Variants in AGBL4 observed in about 807,000 individuals in gnomAD.
The protein encoded by AGBL4 is AGBL carboxypeptidase 4.
Under a neutral mutation model 66.4 loss-of-function variants are expected in AGBL4, and 58 were observed. That is an observed-to-expected ratio of 0.87 (90% confidence interval 0.71 to 1.09). The LOEUF is 1.09. AGBL4 is among the 50% of genes least tolerant of loss of function. AGBL4 has a pLI of 0.00. For synonymous variants in AGBL4, 234 were observed against 222.9 expected (o/e 1.05, Z -0.44); for missense variants, 579 against 631.0 (o/e 0.92, Z 0.88).
At chr1:49,635,002 T>C (rs911644571) in intron 3 of AGBL4, among the ~76,000 whole-genome samples, 3 of 152,206 alleles carry the variant, frequency 2.0e-5, no homozygotes, top group Non-Finnish European at 2.9e-5. Flanking sequence ...GCCAATCTTT[T>C]TTCTTCCTTT....
At chr1:49,459,183 A>T (rs1325752751) in intron 3 of AGBL4, among the ~76,000 whole-genome samples, 2 of 151,718 alleles carry the variant, frequency 1.3e-5, no homozygotes, top group African/African-American at 4.8e-5. Flanking sequence ...GATTGGTACC[A>T]ATTCTTATTT....
chr1:49,397,252 C>T (rs1341801240), intron 3 of AGBL4, among the ~76,000 whole-genome samples: 2 of 150,678 alleles, frequency 1.3e-5, no homozygotes, highest in Non-Finnish European at 3.0e-5. Flanking sequence ...CCCCACTCCA[C>T]CAAAAAAAAA....
intron 6 of AGBL4, among the ~76,000 whole-genome samples, chr1:48,828,045 A>AG (rs1570766146): frequency 1.0e-5 from 1 of 95,754 alleles, no homozygotes; most frequent in Non-Finnish European, 2.4e-5. Flanking sequence ...CACACACACA[A>AG]ATTAGCCGGG....
At chr1:49,496,197 T>A (rs1311108271) in intron 3 of AGBL4, among the ~76,000 whole-genome samples, 1 of 152,032 alleles carries the variant, frequency 6.6e-6, no homozygotes, top group African/African-American at 2.4e-5. Flanking sequence ...TCCTAAGAGA[T>A]TACTAGCTCT....
intron 3 of AGBL4, among the ~76,000 whole-genome samples, chr1:49,630,051 C>T (rs940996158): frequency 6.6e-6 from 1 of 152,180 alleles, no homozygotes; most frequent in South Asian, 2.1e-4. Flanking sequence ...ACCTTGCCTA[C>T]AATTAAAATA....
intron 1 of AGBL4, among the ~76,000 whole-genome samples, chr1:49,983,498 C>G (rs1572009162): frequency 6.6e-6 from 1 of 152,218 alleles, no homozygotes; most frequent in Non-Finnish European, 1.5e-5. Context: ...GGCATGGGAT[C>G]CAGGCCAGTA....
intron 4 of AGBL4, among the ~76,000 whole-genome samples, chr1:49,239,528 C>T: frequency 6.6e-6 from 1 of 151,860 alleles, no homozygotes; most frequent in South Asian, 2.1e-4. Flanking sequence ...GTGTGATTAA[C>T]ACTTAGAGAA....
rs72901140 is a variant in AGBL4, at chr1:48,653,600, G to A, written c.725-149C>T. ...CTGTGGGTGTGTGGTTATAGACTAC[G>A]CGTTATCTGTATAAACTGTATTTAC... On this transcript the variant is annotated intron_variant, in intron 7 of 13. Transcript: ENST00000371839. 6,105 of 614,692 alleles carry A rather than the reference G, an allele frequency of 9.9e-3. 54 individuals carry two copies. The highest frequency in any genetic ancestry group is 0.022 in the African/African-American group (1,188 of 53,998). The allele number at this position is 614,692 out of a possible 1,614,324, so 38.1% of individuals were successfully genotyped here. A position where few individuals can be genotyped will look rare whatever the true frequency, so the allele number is the denominator to read the frequency against.
chr1:49,948,303 T>C (rs1470597429), intron 1 of AGBL4, among the ~76,000 whole-genome samples: 3 of 106,850 alleles, frequency 2.8e-5, no homozygotes, highest in Non-Finnish European at 5.1e-5. Flanking sequence ...TAAAAATATA[T>C]ATAAATATAT....
At chr1:49,397,172 G>C (rs975381253) in intron 3 of AGBL4, among the ~76,000 whole-genome samples, 5 of 151,990 alleles carry the variant, frequency 3.3e-5, no homozygotes, top group Admixed American at 2.6e-4. Context: ...CTGGTCCATG[G>C]CCTGGGAGTT....
At chr1:49,411,960 G>C (rs1463605168) in intron 3 of AGBL4, among the ~76,000 whole-genome samples, 1 of 151,988 alleles carries the variant, frequency 6.6e-6, no homozygotes, top group African/African-American at 2.4e-5. Context: ...TTGTTACAAT[G>C]GTAAATTATA....
At chr1:48,789,575 C>T (rs1645496384) in intron 6 of AGBL4, among the ~76,000 whole-genome samples, 1 of 152,136 alleles carries the variant, frequency 6.6e-6, no homozygotes, top group Admixed American at 6.5e-5. Context: ...AGGCATGAGC[C>T]ACACTGTGGA....
At chr1:49,014,108 G>A (rs779125914) in intron 5 of AGBL4, among the ~76,000 whole-genome samples, 9 of 152,164 alleles carry the variant, frequency 5.9e-5, no homozygotes, top group South Asian at 4.2e-4. Flanking sequence ...GTGCTATTCC[G>A]TTCTTCCCCC....
At chr1:48,798,897 C>A (rs1445310655) in intron 6 of AGBL4, among the ~76,000 whole-genome samples, 1 of 152,096 alleles carries the variant, frequency 6.6e-6, no homozygotes, top group African/African-American at 2.4e-5. Context: ...TATATCAGTA[C>A]CATGCTGTAC....
chr1:49,485,085 G>A (rs1462549444), intron 3 of AGBL4, among the ~76,000 whole-genome samples: 1 of 151,858 alleles, frequency 6.6e-6, no homozygotes, highest in South Asian at 2.1e-4. Flanking sequence ...AATACCATTT[G>A]ACCCAGCCAT....
intron 1 of AGBL4, among the ~76,000 whole-genome samples, chr1:49,896,122 G>T (rs1323558359): frequency 6.6e-6 from 1 of 151,934 alleles, no homozygotes; most frequent in Admixed American, 6.6e-5. Context: ...GACAAAAGCT[G>T]TAAGACAAGA....
intron 6 of AGBL4, among the ~76,000 whole-genome samples, chr1:48,689,404 C>T (rs972759088): frequency 4.1e-5 from 6 of 144,800 alleles, no homozygotes; most frequent in Admixed American, 7.5e-5. Context: ...TACCTACCTA[C>T]CTTCCTTCCT....
chr1:49,287,759 G>C (rs1644448329), intron 3 of AGBL4, among the ~76,000 whole-genome samples: 2 of 146,234 alleles, frequency 1.4e-5, no homozygotes, highest in Admixed American at 6.8e-5. Flanking sequence ...CTTTTACACT[G>C]TTGGTGGGAC....
At chr1:48,939,705 C>T (rs973453750) in intron 5 of AGBL4, among the ~76,000 whole-genome samples, 2 of 152,192 alleles carry the variant, frequency 1.3e-5, no homozygotes, top group African/African-American at 2.4e-5. Context: ...TCCTTTCCCT[C>T]TCCATGTAGG....
Sources: allele counts gnomAD v4.1 joint callset (sites outside exome capture counted in the v4.1 genomes callset), GRCh38; gene constraint gnomAD v4.1.1; transcripts MANE v1.5; gene names NCBI Gene and HGNC (gene_info 2026-07-23, HGNC 2026-07-21).